The following CSNK1G1 variants were observed in gnomAD, a reference collection of about 807,000 sequenced individuals.
CSNK1G1 encodes the protein casein kinase I isoform gamma-1.
In CSNK1G1, 22 loss-of-function variants were observed where a neutral mutation model predicts 59.6. The observed-to-expected ratio is 0.37, with a 90% CI of 0.26 to 0.53. CSNK1G1 has a LOEUF of 0.53. Among genes scored for constraint, CSNK1G1 ranks in the 20% least tolerant of loss-of-function variants. The pLI, the probability that CSNK1G1 is intolerant of heterozygous loss-of-function variation, is 0.89. For missense variants in CSNK1G1, 384 were observed against 519.5 expected, an observed-to-expected ratio of 0.74 and a Z score of 2.54; for synonymous variants, 179 against 177.1, an observed-to-expected ratio of 1.01 and a Z score of -0.08.
Position 64,188,380 on chromosome 15 carries a change from C to T in CSNK1G1, c.1108-7926G>A. On this transcript the variant is annotated intron_variant, in intron 10 of 11. Transcript: ENST00000303052. The surrounding 1 kb of genome is among the most constrained non-coding windows in gnomAD (Gnocchi z 4.2). The stretch of plus-strand genomic sequence containing the variant: ...GCAATAAAGGCAGTAAATACCTGCA[C>T]TGATCCCCCATGGCGGTCTGCAGCC... The T allele has an allele frequency of 1.3e-6, 2 of 1,535,680 alleles. No individual in the cohort carries two copies. The highest frequency in any genetic ancestry group is 2.4e-5 in the East Asian group (1 of 40,912).
chr15:64,280,175 T>C (rs961897502), intron 2 of CSNK1G1, among the ~76,000 whole-genome samples: 1 of 152,020 alleles, frequency 6.6e-6, no homozygotes, highest in African/African-American at 2.4e-5. Flanking sequence ...CACACACACA[T>C]AAAGGTTTCA....
At chr15:64,272,153 A>G (rs1893344088) in intron 2 of CSNK1G1, among the ~76,000 whole-genome samples, 1 of 150,958 alleles carries the variant, frequency 6.6e-6, no homozygotes, top group African/African-American at 2.4e-5. Context: ...ATTACATGAC[A>G]TGGGTCTCTT....
At chr15:64,298,963 C>T (rs1321708982) in intron 2 of CSNK1G1, among the ~76,000 whole-genome samples, 3 of 152,130 alleles carry the variant, frequency 2.0e-5, no homozygotes, top group Admixed American at 2.0e-4. Flanking sequence ...TCACTTGAAC[C>T]TGGGAAGAGG....
intron 1 of CSNK1G1, among the ~76,000 whole-genome samples, chr15:64,310,729 G>A (rs576463640): frequency 8.5e-5 from 13 of 152,052 alleles, no homozygotes; most frequent in African/African-American, 3.1e-4. Context: ...AAAAGAGGCC[G>A]GGCACAGCGG....
At chr15:64,251,491 G>A (rs1313670923) in intron 4 of CSNK1G1, 21 bp downstream of exon 4, 3 of 1,568,276 alleles carry the variant, frequency 1.9e-6, no homozygotes, top group Admixed American at 3.4e-5. Flanking sequence ...TAAGTAAGTG[G>A]AGAGAAAAGA....
intron 1 of CSNK1G1, among the ~76,000 whole-genome samples, chr15:64,305,635 T>C (rs1161368330): frequency 2.7e-5 from 4 of 150,920 alleles, no homozygotes; most frequent in Non-Finnish European, 4.4e-5. Context: ...GGGAGGATTG[T>C]TTGAGCCCAG....
chr15:64,189,680 G>A (rs531551924), intron 10 of CSNK1G1, among the ~76,000 whole-genome samples: 4 of 152,134 alleles, frequency 2.6e-5, no homozygotes, highest in Non-Finnish European at 4.4e-5. Flanking sequence ...GGGCAAGGAA[G>A]TAATGGTTTG....
chr15:64,238,889 C>T (rs907714490), intron 4 of CSNK1G1, among the ~76,000 whole-genome samples: 1 of 152,064 alleles, frequency 6.6e-6, no homozygotes, highest in Non-Finnish European at 1.5e-5. Context: ...TAGGCTATGT[C>T]AGATACCAAG....
At chr15:64,290,047 A>C (rs765639202) in intron 2 of CSNK1G1, among the ~76,000 whole-genome samples, 34 of 152,280 alleles carry the variant, frequency 2.2e-4, no homozygotes, top group Non-Finnish European at 7.3e-5. Context: ...TATTATTAAA[A>C]AGTCAAAAAA....
At chr15:64,341,585 G>GCCT (rs760190383) in intron 1 of CSNK1G1, among the ~76,000 whole-genome samples, 60 of 152,236 alleles carry the variant, frequency 3.9e-4, no homozygotes, top group Non-Finnish European at 7.5e-4. Context: ...CAATCCTCTT[G>GCCT]CCTCAATCTC....
intron 2 of CSNK1G1, among the ~76,000 whole-genome samples, chr15:64,281,459 A>T (rs1368588112): frequency 6.6e-6 from 1 of 152,156 alleles, no homozygotes. Flanking sequence ...AAAAAAAATA[A>T]AAAGAGAAAG....
chr15:64,296,293 G>T (rs946036195), intron 2 of CSNK1G1, among the ~76,000 whole-genome samples: 1 of 152,006 alleles, frequency 6.6e-6, no homozygotes, highest in Non-Finnish European at 1.5e-5. Context: ...GCTAATTTTT[G>T]TATTTTTTGT....
chr15:64,354,337 C>T (rs867451811), intron 1 of CSNK1G1, among the ~76,000 whole-genome samples: 1 of 152,028 alleles, frequency 6.6e-6, no homozygotes, highest in South Asian at 2.1e-4. Flanking sequence ...AAAACAAGTA[C>T]CTTCTATTTT....
chr15:64,211,621 T>G (rs1401338925), intron 6 of CSNK1G1, among the ~76,000 whole-genome samples: 1 of 152,232 alleles, frequency 6.6e-6, no homozygotes, highest in Non-Finnish European at 1.5e-5. Flanking sequence ...ATATTACTAT[T>G]ATCAGGCATT....
At chr15:64,239,086 T>G (rs1431850885) in intron 4 of CSNK1G1, among the ~76,000 whole-genome samples, 1 of 152,134 alleles carries the variant, frequency 6.6e-6, no homozygotes, top group Non-Finnish European at 1.5e-5. Flanking sequence ...TAAACCTACC[T>G]GCACACAGAT....
chr15:64,268,521 C>T (rs1182969906), intron 2 of CSNK1G1, among the ~76,000 whole-genome samples: 2 of 152,166 alleles, frequency 1.3e-5, no homozygotes, highest in Non-Finnish European at 2.9e-5. Context: ...GTAGAGTTTG[C>T]ATGTTCTCCT....
In CSNK1G1 at chr15:64,168,633, T is replaced by C. The variant is rs940834667; in HGVS notation, c.*3298A>G. ...TAAAGAAAAAGATCGTTAGGCACCA[T>C]ACTTGTGAAATGGAGAAAGCTCAGA... is the stretch of plus-strand genomic sequence containing the variant. On this transcript the variant is annotated 3_prime_UTR_variant, in exon 12 of 12. Transcript: ENST00000303052. The C allele has an allele frequency of 7.9e-5, 12 of 152,228 alleles. 1 individual carries two copies. The highest frequency in any genetic ancestry group is 8.8e-5 in the Non-Finnish European group (6 of 68,062). 9.4% of individuals were successfully genotyped at this position (152,228 alleles called of 1,614,324 possible). A position where few individuals can be genotyped will look rare whatever the true frequency, so the allele number is the denominator to read the frequency against.
chr15:64,321,458 G>T (rs1896561360), intron 1 of CSNK1G1, among the ~76,000 whole-genome samples: 1 of 151,938 alleles, frequency 6.6e-6, no homozygotes, highest in Admixed American at 6.6e-5. Flanking sequence ...AGACTAGGTT[G>T]TGCTATGTTT....
chr15:64,285,579 T>A (rs1177873910), intron 2 of CSNK1G1, among the ~76,000 whole-genome samples: 1 of 152,164 alleles, frequency 6.6e-6, no homozygotes, highest in Non-Finnish European at 1.5e-5. Context: ...TGAGATACTG[T>A]TAACATGTTA....
Sources: allele counts gnomAD v4.1 joint callset (sites outside exome capture counted in the v4.1 genomes callset), GRCh38; gene constraint gnomAD v4.1.1; non-coding constraint Gnocchi (gnomAD v3.1); transcripts MANE v1.5; gene names NCBI Gene and HGNC (gene_info 2026-07-23, HGNC 2026-07-21).